Variants in HS3ST5 observed in about 807,000 individuals in gnomAD.
HS3ST5 encodes the protein heparan sulfate glucosamine 3-O-sulfotransferase 5.
Under a neutral mutation model 25.4 loss-of-function variants are expected in HS3ST5, and 10 were observed. The ratio of observed to expected loss-of-function variants is 0.39; its 90% CI spans 0.24 to 0.67. The LOEUF is 0.67. Ranked by LOEUF, HS3ST5 falls within the 30% of genes least tolerant of loss-of-function variation. The pLI, the probability that HS3ST5 is intolerant of heterozygous loss-of-function variation, is 0.44. For missense variants in HS3ST5, 324 were observed against 420.7 expected, an observed-to-expected ratio of 0.77 and a Z score of 2.01; for synonymous variants, 170 against 162.4, an observed-to-expected ratio of 1.05 and a Z score of -0.36.
chr6:114,321,440 T>C (rs1237635490), intron 1 of HS3ST5, among the ~76,000 whole-genome samples: 3 of 152,088 alleles, frequency 2.0e-5, no homozygotes, highest in Non-Finnish European at 4.4e-5. Context: ...ATAAAACTCT[T>C]TATTATCCTG....
intron 1 of HS3ST5, among the ~76,000 whole-genome samples, chr6:114,287,370 C>T (rs141725757): frequency 2.0e-5 from 3 of 152,058 alleles, no homozygotes; most frequent in Admixed American, 6.6e-5. Flanking sequence ...TCAAGGATCA[C>T]ATCTCCAGTA....
intron 3 of HS3ST5, among the ~76,000 whole-genome samples, chr6:114,158,903 T>C (rs911771088): frequency 6.6e-6 from 1 of 152,214 alleles, no homozygotes; most frequent in Non-Finnish European, 1.5e-5. Context: ...TTATTTATCA[T>C]AAAATGTGAC....
chr6:114,185,238 C>T (rs1234657095), intron 2 of HS3ST5, among the ~76,000 whole-genome samples: 1 of 152,124 alleles, frequency 6.6e-6, no homozygotes, highest in Non-Finnish European at 1.5e-5. Flanking sequence ...TGTTGAAATC[C>T]TAGCCCCTGA....
intron 2 of HS3ST5, among the ~76,000 whole-genome samples, chr6:114,182,250 C>T (rs1780008155): frequency 6.6e-6 from 1 of 152,080 alleles, no homozygotes; most frequent in Non-Finnish European, 1.5e-5. Flanking sequence ...CTATCAGGTT[C>T]CACATTTAGA....
intron 2 of HS3ST5, among the ~76,000 whole-genome samples, chr6:114,226,453 A>G (rs1771291026): frequency 6.6e-6 from 1 of 151,940 alleles, no homozygotes; most frequent in Non-Finnish European, 1.5e-5. Flanking sequence ...CTTATTGAAG[A>G]AATCATTATT....
intron 3 of HS3ST5, among the ~76,000 whole-genome samples, chr6:114,071,108 A>G (rs1773794856): frequency 6.6e-6 from 1 of 152,232 alleles, no homozygotes; most frequent in South Asian, 2.1e-4. Flanking sequence ...TGCAATACAC[A>G]GAACAACTTG....
intron 2 of HS3ST5, among the ~76,000 whole-genome samples, chr6:114,210,583 T>C (rs966741725): frequency 1.3e-5 from 2 of 152,196 alleles, no homozygotes; most frequent in African/African-American, 4.8e-5. Flanking sequence ...TTATAGTCCA[T>C]AAGAGCATGT....
At chr6:114,108,312 A>G (rs867083706) in intron 3 of HS3ST5, among the ~76,000 whole-genome samples, 5 of 152,198 alleles carry the variant, frequency 3.3e-5, no homozygotes, top group East Asian at 3.8e-4. Context: ...CACCGCCTCA[A>G]TAAGGTTGAA....
intron 1 of HS3ST5, among the ~76,000 whole-genome samples, chr6:114,300,162 A>G (rs1046061111): frequency 6.6e-6 from 1 of 152,246 alleles, no homozygotes; most frequent in East Asian, 1.9e-4. Flanking sequence ...ACCGGATTTC[A>G]TCAAAATTAA....
At chr6:114,170,572 C>T (rs933788357) in intron 2 of HS3ST5, among the ~76,000 whole-genome samples, 5 of 152,058 alleles carry the variant, frequency 3.3e-5, no homozygotes, top group Non-Finnish European at 7.4e-5. Context: ...AATACTGTTT[C>T]GGATCAAAGC....
intron 1 of HS3ST5, among the ~76,000 whole-genome samples, chr6:114,280,692 AGACTTCATCTCTTCT>A (rs1326282601): frequency 6.6e-6 from 1 of 152,058 alleles, no homozygotes; most frequent in African/African-American, 2.4e-5. Flanking sequence ...AGTAAATAAG[AGACTTCATCTCTTCT>A]CCTTTGGATG....
chr6:114,061,117 C>T (rs1773091775), intron 4 of HS3ST5, among the ~76,000 whole-genome samples: 1 of 152,070 alleles, frequency 6.6e-6, no homozygotes, highest in Non-Finnish European at 1.5e-5. Context: ...CCCTTAGAGA[C>T]TAGAGACAGA....
At chr6:114,193,885 C>T (rs1454676946) in intron 2 of HS3ST5, among the ~76,000 whole-genome samples, 1 of 152,148 alleles carries the variant, frequency 6.6e-6, no homozygotes, top group African/African-American at 2.4e-5. Flanking sequence ...CTGGGGGCAG[C>T]TTCCAAGTCA....
rs115262451 is a variant in HS3ST5 at position 114,227,414 on chromosome 6, T to C, written c.-145+1171A>G. Among the ~76,000 whole-genome samples, 1,052 of 151,850 alleles carry C rather than the reference T, an allele frequency of 6.9e-3. 16 individuals are homozygous for C. The highest frequency in any genetic ancestry group is 0.024 in the African/African-American group (997 of 41,472). Reference sequence around the variant, plus strand: ...TTCAGCCTTCACTATAAAAATAATATCTTATTGAACCTTTAACATCACAAT... The same window carrying C: ...TTCAGCCTTCACTATAAAAATAATACCTTATTGAACCTTTAACATCACAAT... On this transcript the variant is annotated intron_variant, in intron 2 of 4. Transcript: ENST00000312719.
At chr6:114,227,241 A>G (rs1487831961) in intron 2 of HS3ST5, among the ~76,000 whole-genome samples, 1 of 151,236 alleles carries the variant, frequency 6.6e-6, no homozygotes, top group Non-Finnish European at 1.5e-5. Flanking sequence ...ATTAAGATAT[A>G]CTTCTTTTTG....
chr6:114,253,061 T>C (rs1772737453), intron 1 of HS3ST5, among the ~76,000 whole-genome samples: 1 of 152,036 alleles, frequency 6.6e-6, no homozygotes, highest in African/African-American at 2.4e-5. Context: ...TTGTAGTGTA[T>C]GTCTGTAGTC....
chr6:114,196,665 A>G (rs2114338326), intron 2 of HS3ST5, among the ~76,000 whole-genome samples: 1 of 152,262 alleles, frequency 6.6e-6, no homozygotes, highest in South Asian at 2.1e-4. Context: ...AAAAAAAAAA[A>G]AAAGACCTAA....
At chr6:114,159,343 G>A (rs1057001635) in intron 3 of HS3ST5, among the ~76,000 whole-genome samples, 1 of 152,086 alleles carries the variant, frequency 6.6e-6, no homozygotes, top group Non-Finnish European at 1.5e-5. Context: ...TCAAAGCAGT[G>A]ATCATCAATA....
At chr6:114,205,891 G>A (rs1164155312) in intron 2 of HS3ST5, among the ~76,000 whole-genome samples, 1 of 152,162 alleles carries the variant, frequency 6.6e-6, no homozygotes, top group Non-Finnish European at 1.5e-5. Flanking sequence ...GTGGAGCTCA[G>A]GAGGTAATGT....
Sources: gnomAD v4.1 joint callset for allele counts (sites outside exome capture counted in the v4.1 genomes callset) on GRCh38, gnomAD v4.1.1 for gene constraint, MANE v1.5 for transcripts, NCBI Gene and HGNC (gene_info 2026-07-23, HGNC 2026-07-21) for gene names.